The following CFHR2 variants were observed in gnomAD, a reference collection of about 807,000 sequenced individuals.
CFHR2 encodes complement factor H related 2.
CFHR2 carries 22 observed loss-of-function variants against 21.7 expected under a neutral mutation model. The ratio of observed to expected loss-of-function variants is 1.01; its 90% confidence interval spans 0.72 to 1.45. The LOEUF is 1.45. Among genes scored for constraint, CFHR2 ranks in the 40% most tolerant of loss-of-function variants. The pLI is 0.00. For synonymous variants in CFHR2, 98 were observed against 97.4 expected (o/e 1.01, Z -0.04); for missense variants, 294 against 293.3 (o/e 1.00, Z -0.02).
At chr1:196,953,195 A>G (rs547377855) in intron 3 of CFHR2, among the ~76,000 whole-genome samples, 3 of 152,334 alleles carry the variant, frequency 2.0e-5, no homozygotes, top group Non-Finnish European at 2.9e-5. Context: ...AACACCATGC[A>G]ATAACCTTAT....
intron 3 of CFHR2, among the ~76,000 whole-genome samples, chr1:196,954,396 C>T (rs1264156556): frequency 6.6e-6 from 1 of 152,240 alleles, no homozygotes; most frequent in East Asian, 1.9e-4. Context: ...CTCTCATGGG[C>T]TAGCATTGAG....
In CFHR2 at chr1:196,959,391, A is replaced by G. The variant is rs1412470874; in HGVS notation, c.*311A>G. Among the ~76,000 whole-genome samples, 1 of 151,912 alleles carries G rather than the reference A, an allele frequency of 6.6e-6. No individual in the cohort carries two copies. Among genetic ancestry groups the G allele is most frequent in the Non-Finnish European group, 1.5e-5 (1 of 67,910 alleles). On this transcript the variant is annotated 3_prime_UTR_variant, in exon 5 of 5. Coordinates refer to ENST00000367415, the MANE Select transcript of CFHR2 (RefSeq NM_005666.4). ...TAATGTATAATGGTCAGTTAGGGTAATTAGTATATCCATTATCTCAAACAT... is the reference window on the plus strand; with the variant it reads ...TAATGTATAATGGTCAGTTAGGGTAGTTAGTATATCCATTATCTCAAACAT...
At chr1:196,958,188 T>C (rs1487694001) in intron 4 of CFHR2, 115 bp downstream of exon 4, 1 of 1,047,674 alleles carries the variant, frequency 9.5e-7, no homozygotes, top group Non-Finnish European at 1.4e-6. Context: ...GCTGAATGCT[T>C]GCCTACCAAA....
At chr1:196,947,835 G>GTGAA in intron 1 of CFHR2, among the ~76,000 whole-genome samples, 1 of 151,276 alleles carries the variant, frequency 6.6e-6, no homozygotes, top group Admixed American at 6.6e-5. Flanking sequence ...AACATCAAGA[G>GTGAA]TGAACCCCAA....
intron 1 of CFHR2, among the ~76,000 whole-genome samples, chr1:196,949,015 A>T (rs116224050): frequency 6.6e-6 from 1 of 152,130 alleles, no homozygotes; most frequent in Non-Finnish European, 1.5e-5. Context: ...CAGAAAAAAA[A>T]TAGGACAGAG....
In CFHR2 at chr1:196,951,026, C is replaced by T. The variant is rs1476050382; in HGVS notation, c.428C>T (p.Thr143Ile). 6.2e-7 allele frequency: 1 copy of T among 1,613,970 alleles called. No individual in the cohort carries two copies. The change falls in exon 3 of 5, where the codon ACT becomes ATT. Residue 143 changes from threonine (T) to isoleucine (I), a missense_variant and splice_region_variant. By Grantham distance (89) the Thr-to-Ile change is moderately conservative (BLOSUM62 -1). Transcript: ENST00000367415. ...TCCACTCCTCCCAAATGCAGGTCCACTAGTAAGTGCAATGTTGTTCTCTCA... is the reference window on the plus strand; with the variant it reads ...TCCACTCCTCCCAAATGCAGGTCCATTAGTAAGTGCAATGTTGTTCTCTCA... ...GWSTPPKCRS[T>I]ISAEKCGPPP...
chr1:196,951,365 G>T (rs1021304372), intron 3 of CFHR2, among the ~76,000 whole-genome samples: 1 of 152,156 alleles, frequency 6.6e-6, no homozygotes, highest in Non-Finnish European at 1.5e-5. Context: ...GTGAAAATAA[G>T]TCCAATTCTA....
intron 3 of CFHR2, among the ~76,000 whole-genome samples, chr1:196,954,517 GT>G (rs1652792935): frequency 6.6e-6 from 1 of 152,198 alleles, no homozygotes; most frequent in African/African-American, 2.4e-5. Flanking sequence ...TGCCTCAGTG[GT>G]GACTCTGTGT....
In CFHR2 at chr1:196,957,893, T is replaced by C. The variant is rs537351587; in HGVS notation, c.433T>C (p.Ser145Pro). 1 of 1,609,280 alleles carries C rather than the reference T, an allele frequency of 6.2e-7. No homozygotes were observed. The highest frequency in any genetic ancestry group is 1.3e-5 in the African/African-American group (1 of 74,846). ...STPPKCRSTISAEKCGPPPPI... is the reference protein window; with the variant it reads ...STPPKCRSTIPAEKCGPPPPI... ...TAAATCAAATGATGTTTTTTTAGTT[T>C]CTGCAGAAAAATGTGGGCCCCCTCC... The change falls in exon 4 of 5, where the codon TCT becomes CCT. Residue 145 changes from serine (S) to proline (P), a missense_variant and splice_region_variant. Ser to Pro is a moderately conservative substitution (Grantham distance 74, BLOSUM62 -1). Coordinates refer to ENST00000367415, the MANE Select transcript of CFHR2 (RefSeq NM_005666.4).
Position 196,950,900 on chromosome 1 carries a change from G to A in CFHR2, c.302G>A (p.Gly101Glu). 1 of 1,613,842 alleles carries A rather than the reference G, an allele frequency of 6.2e-7. No homozygotes were observed. The highest frequency in any genetic ancestry group is 1.1e-5 in the South Asian group (1 of 91,064). Residue 101 changes from glycine (G) to glutamate (E), a missense_variant, in exon 3 of 5, where the codon GGA becomes GAA. Transcript: ENST00000367415. Reference sequence around the variant, plus strand: ...GAAAATGGTCATTCTGAATCTTCAGGACAAACACATCTGGAAGGTGATACT... The same window carrying A: ...GAAAATGGTCATTCTGAATCTTCAGAACAAACACATCTGGAAGGTGATACT... ...FVENGHSESSGQTHLEGDTVQ... is the reference protein window; with the variant it reads ...FVENGHSESSEQTHLEGDTVQ...
intron 2 of CFHR2, among the ~76,000 whole-genome samples, chr1:196,950,128 G>A (rs1558268367): frequency 1.3e-5 from 2 of 152,104 alleles, no homozygotes; most frequent in Non-Finnish European, 2.9e-5. Flanking sequence ...AGACTCCAAT[G>A]ATAACAGGTA....
At chr1:196,949,970 A>G (rs182043954) in intron 2 of CFHR2, among the ~76,000 whole-genome samples, 248 of 152,250 alleles carry the variant, frequency 1.6e-3, no homozygotes, top group Non-Finnish European at 2.6e-3. Flanking sequence ...TTCCTTTTAA[A>G]TGTCATTTTA....
At chr1:196,957,080 T>A (rs1018415847) in intron 3 of CFHR2, among the ~76,000 whole-genome samples, 6 of 152,160 alleles carry the variant, frequency 3.9e-5, no homozygotes, top group African/African-American at 1.4e-4. Context: ...AGTATGTAAG[T>A]TATTGTTAAA....
At chr1:196,950,251 G>C (rs2125007328) in intron 2 of CFHR2, among the ~76,000 whole-genome samples, 1 of 152,190 alleles carries the variant, frequency 6.6e-6, no homozygotes, top group African/African-American at 2.4e-5. Flanking sequence ...GATATATGTA[G>C]ATGTTCTTTT....
At position 196,958,910 on chromosome 1, in the gene CFHR2, G is replaced by T. The variant is rs1442182384; in HGVS notation, c.643G>T (p.Glu215Ter). The T allele has an allele frequency of 6.3e-7, 1 of 1,592,448 alleles. No individual in the cohort carries two copies. Among genetic ancestry groups the T allele is most frequent in the South Asian group, 1.1e-5 (1 of 89,720 alleles). Residue 215 changes from glutamate (E) to a stop codon, truncating the protein, a stop_gained, in exon 5 of 5, where the codon GAA (glutamate) becomes TAA (stop). Coordinates refer to ENST00000367415, the MANE Select transcript of CFHR2 (RefSeq NM_005666.4). LOFTEE classifies it low-confidence loss of function (END_TRUNC). ...ATGTGTAATATCACAAGAAATTATGGAAAAATATAACATAAAATTAAAGTG... is the reference window on the plus strand; with the variant it reads ...ATGTGTAATATCACAAGAAATTATGTAAAAATATAACATAAAATTAAAGTG... Reference protein sequence around the residue: ...DPCVISQEIMEKYNIKLKWTN... With the variant: ...DPCVISQEIM
intron 3 of CFHR2, among the ~76,000 whole-genome samples, chr1:196,957,088 A>C (rs1298441145): frequency 6.6e-6 from 1 of 152,120 alleles, no homozygotes; most frequent in Non-Finnish European, 1.5e-5. Flanking sequence ...AGTTATTGTT[A>C]AAAATGATTT....
intron 3 of CFHR2, among the ~76,000 whole-genome samples, chr1:196,951,276 G>A (rs1335731708): frequency 6.6e-6 from 1 of 152,132 alleles, no homozygotes; most frequent in Non-Finnish European, 1.5e-5. Context: ...ATAATCCCTT[G>A]AAGTTTAAGT....
At chr1:196,951,626 G>A (rs1404683608) in intron 3 of CFHR2, among the ~76,000 whole-genome samples, 4 of 151,922 alleles carry the variant, frequency 2.6e-5, no homozygotes, top group Non-Finnish European at 4.4e-5. Context: ...ATTGTTTTTT[G>A]CCCAGCCCAA....
intron 3 of CFHR2, among the ~76,000 whole-genome samples, chr1:196,954,120 A>C (rs1194660164): frequency 1.3e-5 from 2 of 152,194 alleles, no homozygotes; most frequent in Non-Finnish European, 2.9e-5. Flanking sequence ...ATATTTAGTT[A>C]CCCATTTGGT....
Sources: allele counts gnomAD v4.1 joint callset (sites outside exome capture counted in the v4.1 genomes callset), GRCh38; gene constraint gnomAD v4.1.1; transcripts MANE v1.5; gene names NCBI Gene and HGNC (gene_info 2026-07-23, HGNC 2026-07-21).